TYW1: variants seen among roughly 807,000 people sequenced by gnomAD.
The protein encoded by TYW1 is tRNA-yW synthesizing protein 1 homolog, also known as S-adenosyl-L-methionine-dependent tRNA 4-demethylwyosine synthase TYW1.
In TYW1, 46 loss-of-function variants were observed where a neutral mutation model predicts 96.2. The observed-to-expected ratio is 0.48, with a 90% confidence interval of 0.38 to 0.61. The LOEUF (loss-of-function observed/expected upper bound fraction) is 0.61. Ranked by LOEUF, TYW1 falls within the 20% of genes least tolerant of loss-of-function variation. The probability of loss-of-function intolerance (pLI) is 0.00; values close to 1 mark genes in which losing one functional copy is unlikely to be tolerated. For missense variants in TYW1, 684 were observed against 909.6 expected (o/e 0.75, Z 3.19); for synonymous variants, 274 against 323.0 (o/e 0.85, Z 1.63).
chr7:67,209,352 A>G (rs1470430157), intron 15 of TYW1, among the ~76,000 whole-genome samples: 2 of 152,168 alleles, frequency 1.3e-5, no homozygotes, highest in Non-Finnish European at 2.9e-5. Context: ...AGCAGCTTAA[A>G]TGTAACCTTG....
intron 7 of TYW1, among the ~76,000 whole-genome samples, chr7:67,025,458 G>A (rs192966013): frequency 1.3e-5 from 2 of 152,232 alleles, no homozygotes; most frequent in Non-Finnish European, 1.5e-5. Context: ...GGACAAGCTT[G>A]TTGTAGATGG....
At chr7:67,047,139 G>A (rs950460960) in intron 7 of TYW1, among the ~76,000 whole-genome samples, 15 of 152,300 alleles carry the variant, frequency 9.8e-5, no homozygotes, top group South Asian at 4.1e-4. Flanking sequence ...TACATGATTT[G>A]TAGAGGAATT....
At chr7:67,170,558 G>A (rs1429999886) in intron 13 of TYW1, among the ~76,000 whole-genome samples, 1 of 152,140 alleles carries the variant, frequency 6.6e-6, no homozygotes, top group East Asian at 1.9e-4. Flanking sequence ...CAACGAAGTG[G>A]CATTTCATAC....
At chr7:67,102,642 G>C (rs909994509) in intron 12 of TYW1, among the ~76,000 whole-genome samples, 16 of 152,052 alleles carry the variant, frequency 1.1e-4, no homozygotes, top group African/African-American at 3.9e-4. Context: ...GGAAATAGAG[G>C]TTACACTTTT....
chr7:67,147,158 T>C (rs188651761), intron 13 of TYW1, among the ~76,000 whole-genome samples: 28 of 152,238 alleles, frequency 1.8e-4, no homozygotes, highest in Admixed American at 1.7e-3. Flanking sequence ...CAACCACAGA[T>C]TGAAAATATT....
chr7:67,021,841 T>TG (rs1412679471), intron 6 of TYW1, among the ~76,000 whole-genome samples: 8 of 152,312 alleles, frequency 5.3e-5, no homozygotes, highest in Non-Finnish European at 5.9e-5. Context: ...ATTAGAAACT[T>TG]GAGTCTAAGG....
At chr7:67,180,632 C>CATTT (rs375057980) in intron 13 of TYW1, among the ~76,000 whole-genome samples, 2,742 of 147,560 alleles carry the variant, frequency 0.019, 75 homozygotes, top group African/African-American at 0.06. Flanking sequence ...AATAGAAATG[C>CATTT]ATTTATTTAT....
intron 4 of TYW1, among the ~76,000 whole-genome samples, chr7:67,014,100 G>A (rs1251601076): frequency 1.3e-5 from 2 of 151,512 alleles, no homozygotes; most frequent in South Asian, 4.1e-4. Flanking sequence ...TAGCGATGAT[G>A]AGAATGTATA....
intron 7 of TYW1, among the ~76,000 whole-genome samples, chr7:67,025,378 A>T (rs1276166658): frequency 2.6e-5 from 4 of 151,516 alleles, no homozygotes; most frequent in Non-Finnish European, 4.4e-5. Context: ...AAAAAAAAAA[A>T]TCGCAAAATA....
At chr7:67,034,794 A>AT (rs1268780877) in intron 7 of TYW1, among the ~76,000 whole-genome samples, 1 of 152,164 alleles carries the variant, frequency 6.6e-6, no homozygotes, top group Non-Finnish European at 1.5e-5. Flanking sequence ...TCTTGCTCAT[A>AT]TTTTTTGTGG....
At chr7:67,000,278 C>T (rs1472414691) in intron 3 of TYW1, among the ~76,000 whole-genome samples, 1 of 151,946 alleles carries the variant, frequency 6.6e-6, no homozygotes, top group Non-Finnish European at 1.5e-5. Context: ...TTCTGTGTTA[C>T]AAGGTCACAG....
chr7:67,034,408 C>T (rs1217200910), intron 7 of TYW1, among the ~76,000 whole-genome samples: 2 of 152,054 alleles, frequency 1.3e-5, no homozygotes, highest in Non-Finnish European at 2.9e-5. Flanking sequence ...GCCCGGCCTC[C>T]TTTAATTTAA....
At position 67,203,011 on chromosome 7, in the gene TYW1, C is replaced by T. The variant is rs953530439; in HGVS notation, c.1977+7674C>T. Among the ~76,000 whole-genome samples, 10 of 152,320 alleles carry T rather than the reference C, an allele frequency of 6.6e-5. No individual in the cohort carries two copies. The East Asian group carries it at 9.6e-4, about 15-fold the overall frequency. ...AGATTTCACCAATTTTAAATGCATTCACATGTGTGTGTTTAGTTCTGTGCT... is the reference window on the plus strand; with the variant it reads ...AGATTTCACCAATTTTAAATGCATTTACATGTGTGTGTTTAGTTCTGTGCT... On this transcript the variant is annotated intron_variant, in intron 15 of 15. Coordinates refer to ENST00000359626, the MANE Select transcript of TYW1 (RefSeq NM_018264.4).
chr7:67,041,236 T>A (rs536280617), intron 7 of TYW1, among the ~76,000 whole-genome samples: 72 of 152,210 alleles, frequency 4.7e-4, no homozygotes, highest in Non-Finnish European at 9.1e-4. Context: ...GGATATGGGA[T>A]ACTAAACTTG....
At chr7:67,187,402 A>G (rs899435176) in intron 14 of TYW1, among the ~76,000 whole-genome samples, 3 of 152,186 alleles carry the variant, frequency 2.0e-5, no homozygotes, top group Non-Finnish European at 2.9e-5. Context: ...AATGTAATAA[A>G]TAACAGTTCA....
chr7:67,223,350 T>G (rs1801457966), intron 15 of TYW1, among the ~76,000 whole-genome samples: 1 of 152,124 alleles, frequency 6.6e-6, no homozygotes, highest in Non-Finnish European at 1.5e-5. Context: ...TTGTTTTGTT[T>G]TGTTTGATTA....
intron 3 of TYW1, among the ~76,000 whole-genome samples, chr7:67,007,280 A>G (rs934891001): frequency 6.6e-6 from 1 of 152,186 alleles, no homozygotes; most frequent in African/African-American, 2.4e-5. Context: ...CTAGCTTAAT[A>G]AAAACCTAAG....
chr7:67,074,716 T>C (rs2115719986), intron 10 of TYW1, among the ~76,000 whole-genome samples: 1 of 152,342 alleles, frequency 6.6e-6, no homozygotes, highest in East Asian at 1.9e-4. Context: ...TGCAGTGGAT[T>C]CTTAAAATAG....
chr7:67,005,005 C>G (rs1256924148), intron 3 of TYW1, among the ~76,000 whole-genome samples: 1 of 152,178 alleles, frequency 6.6e-6, no homozygotes, highest in Non-Finnish European at 1.5e-5. Flanking sequence ...ATCCACCCAT[C>G]TTGGCCTCCC....
Sources: gnomAD v4.1 joint callset for allele counts (sites outside exome capture counted in the v4.1 genomes callset) on GRCh38, gnomAD v4.1.1 for gene constraint, MANE v1.5 for transcripts, NCBI Gene and HGNC (gene_info 2026-07-23, HGNC 2026-07-21) for gene names.